The following PITPNC1 variants were observed in gnomAD, a reference collection of about 807,000 sequenced individuals.
PITPNC1 encodes cytoplasmic phosphatidylinositol transfer protein 1.
Under a neutral mutation model 44.7 loss-of-function variants are expected in PITPNC1, and 18 were observed. That is an observed-to-expected ratio of 0.40 (90% CI 0.28 to 0.60). The LOEUF (loss-of-function observed/expected upper bound fraction) is 0.60. PITPNC1 is among the 20% of genes least tolerant of loss of function. The pLI, the probability that PITPNC1 is intolerant of heterozygous loss-of-function variation, is 0.39. For synonymous variants in PITPNC1, 141 were observed against 149.6 expected, an observed-to-expected ratio of 0.94 and a Z score of 0.42; for missense variants, 290 against 418.4, an observed-to-expected ratio of 0.69 and a Z score of 2.68.
At chr17:67,413,167 T>C (rs2038529546) in intron 1 of PITPNC1, among the ~76,000 whole-genome samples, 8 of 152,208 alleles carry the variant, frequency 5.3e-5, no homozygotes, top group Admixed American at 3.3e-4. Flanking sequence ...TCCAACCTGC[T>C]TGCTCATAAG....
chr17:67,687,229 C>A, intron 8 of PITPNC1: 1 of 991,094 alleles, frequency 1.0e-6, no homozygotes, highest in Non-Finnish European at 1.6e-6. Flanking sequence ...TTCACAAATG[C>A]ACATGTAAAC....
At chr17:67,658,491 A>G (rs2042299709) in intron 6 of PITPNC1, among the ~76,000 whole-genome samples, 1 of 152,102 alleles carries the variant, frequency 6.6e-6, no homozygotes, top group Admixed American at 6.6e-5. Flanking sequence ...GGGATAGGTA[A>G]CCACCCCACC....
chr17:67,405,853 C>T (rs575736358), intron 1 of PITPNC1, among the ~76,000 whole-genome samples: 40 of 152,182 alleles, frequency 2.6e-4, no homozygotes, highest in African/African-American at 7.5e-4. Context: ...GTGATCCTCC[C>T]GCCTTGGCCT....
At chr17:67,681,608 CAAAAAAAAA>C (rs5821459) in intron 8 of PITPNC1, among the ~76,000 whole-genome samples, 3 of 36,426 alleles carry the variant, frequency 8.2e-5, no homozygotes, top group African/African-American at 2.1e-4. Flanking sequence ...AACCCTATCT[CAAAAAAAAA>C]AAAAAAAAAA....
At position 67,676,938 on chromosome 17, in the gene PITPNC1, C is replaced by G. The variant is rs2042614295; in HGVS notation, c.682+1396C>G. Among the ~76,000 whole-genome samples the G allele has an allele frequency of 6.6e-6, 1 of 152,008 alleles. No individual in the cohort carries two copies. Among genetic ancestry groups the G allele is most frequent in the Admixed American group, 6.6e-5 (1 of 15,246 alleles). ...GCAGATCATTTATGCTCTCTTATCA[C>G]ACACCCACAGAATGCCGCTCTCATA... is the stretch of plus-strand genomic sequence containing the variant. On this transcript the variant is annotated intron_variant, in intron 8 of 8. Coordinates refer to ENST00000581322, the MANE Select transcript of PITPNC1 (RefSeq NM_012417.4). This position sits in a 1 kb window ranked among gnomAD's most constrained non-coding sequence, Gnocchi z 4.0.
intron 1 of PITPNC1, among the ~76,000 whole-genome samples, chr17:67,527,413 G>C (rs2040403865): frequency 6.6e-6 from 1 of 152,198 alleles, no homozygotes; most frequent in African/African-American, 2.4e-5. Flanking sequence ...AGATTAGAAT[G>C]AACATAGGCG....
At chr17:67,564,615 T>C (rs1324284166) in intron 4 of PITPNC1, among the ~76,000 whole-genome samples, 1 of 152,206 alleles carries the variant, frequency 6.6e-6, no homozygotes, top group Non-Finnish European at 1.5e-5. Flanking sequence ...TTCTAGGTAT[T>C]CCTTAATCTA....
At chr17:67,584,065 A>G (rs1362483828) in intron 5 of PITPNC1, among the ~76,000 whole-genome samples, 2 of 152,004 alleles carry the variant, frequency 1.3e-5, no homozygotes, top group East Asian at 3.9e-4. Context: ...CAGTTCCCCC[A>G]GGTGAATCTA....
intron 1 of PITPNC1, among the ~76,000 whole-genome samples, chr17:67,503,514 T>A (rs1247957806): frequency 6.6e-6 from 1 of 152,090 alleles, no homozygotes; most frequent in Admixed American, 6.6e-5. Flanking sequence ...CCCTTGTATT[T>A]TCTCTGTAGG....
intron 6 of PITPNC1, among the ~76,000 whole-genome samples, chr17:67,653,290 G>A (rs1182719034): frequency 1.3e-5 from 2 of 152,012 alleles, no homozygotes; most frequent in Non-Finnish European, 2.9e-5. Context: ...AAAGGTTGGG[G>A]GGAATTTGGA....
At position 67,425,193 on chromosome 17, in the gene PITPNC1, GCACGCACACGCACACACACA is replaced by G. The variant is rs1331150781; in HGVS notation, c.48+46995_48+47014del. On this transcript the variant is annotated intron_variant, in intron 1 of 8. Coordinates refer to ENST00000581322, the MANE Select transcript of PITPNC1 (RefSeq NM_012417.4). Reference sequence around the variant, plus strand: ...AAATAAACAGCCATGTTGTGCGCGCGCACGCACACGCACACACACACACACACACACACACACACACACAC... The same window carrying G: ...AAATAAACAGCCATGTTGTGCGCGCGCACACACACACACACACACACACAC... 2.9e-4 allele frequency among the ~76,000 whole-genome samples: 15 copies of G among 52,118 alleles called. 1 individual carries two copies. Among genetic ancestry groups the G allele is most frequent in the South Asian group, 9.5e-4 (2 of 2,102 alleles). The allele number at this position is 52,118 out of a possible 152,430, so 34.2% of individuals were successfully genotyped here.
intron 4 of PITPNC1, among the ~76,000 whole-genome samples, chr17:67,573,123 A>G (rs1234171156): frequency 6.6e-6 from 1 of 152,244 alleles, no homozygotes; most frequent in Non-Finnish European, 1.5e-5. Context: ...GTACCAGTAC[A>G]GTCAGGGAGA....
chr17:67,606,807 GGAGAGAGAAAGA>G (rs2041614582), intron 5 of PITPNC1, among the ~76,000 whole-genome samples: 1 of 151,956 alleles, frequency 6.6e-6, no homozygotes, highest in Non-Finnish European at 1.5e-5. Context: ...TAATAAAAAG[GGAGAGAGAAAGA>G]AATAAAAAGA....
At chr17:67,633,616 GA>G (rs1447884189) in intron 6 of PITPNC1, among the ~76,000 whole-genome samples, 5 of 152,226 alleles carry the variant, frequency 3.3e-5, no homozygotes. Context: ...TTAAGATAAA[GA>G]AAGTTAAACG....
At position 67,632,229 on chromosome 17, in the gene PITPNC1, A is replaced by G. The variant is rs1191966071; in HGVS notation, c.453A>G (p.Lys151=). The G allele has an allele frequency of 1.3e-6, 2 of 1,596,502 alleles. No individual in the cohort carries two copies. The highest frequency in any genetic ancestry group is 1.7e-6 in the Non-Finnish European group (2 of 1,163,984). The change falls in exon 6 of 9, where the codon AAA becomes AAG. Residue 151 remains lysine (K), a synonymous_variant. Transcript: ENST00000581322. ...ACDEIPERYY[K]ESEDPKHFKS... Reference sequence around the variant, plus strand: ...ATGAAATTCCAGAGCGCTACTACAAAGAATCTGAGGTAAGCAACAGTTGGG... The same window carrying G: ...ATGAAATTCCAGAGCGCTACTACAAGGAATCTGAGGTAAGCAACAGTTGGG...
chr17:67,566,331 G>A (rs2040981069), intron 4 of PITPNC1, among the ~76,000 whole-genome samples: 1 of 152,110 alleles, frequency 6.6e-6, no homozygotes, highest in South Asian at 2.1e-4. Context: ...AGCTTCCCTA[G>A]TAGCTGGGAT....
At chr17:67,644,286 C>T (rs544680348) in intron 6 of PITPNC1, among the ~76,000 whole-genome samples, 7 of 152,168 alleles carry the variant, frequency 4.6e-5, no homozygotes, top group Non-Finnish European at 8.8e-5. Flanking sequence ...AGCCTTCTTA[C>T]AGCTGTACTA....
At chr17:67,507,754 G>A (rs969004637) in intron 1 of PITPNC1, among the ~76,000 whole-genome samples, 46 of 150,904 alleles carry the variant, frequency 3.0e-4, no homozygotes, top group Admixed American at 6.6e-5. Flanking sequence ...GGGCAGGAGA[G>A]CATTTAGGAG....
At chr17:67,419,369 T>A (rs1170436624) in intron 1 of PITPNC1, among the ~76,000 whole-genome samples, 1 of 152,140 alleles carries the variant, frequency 6.6e-6, no homozygotes, top group African/African-American at 2.4e-5. Context: ...CATTTCCTAC[T>A]AAGACAGATT....
Sources: allele counts gnomAD v4.1 joint callset (sites outside exome capture counted in the v4.1 genomes callset), GRCh38; gene constraint gnomAD v4.1.1; non-coding constraint Gnocchi (gnomAD v3.1); transcripts MANE v1.5; gene names NCBI Gene and HGNC (gene_info 2026-07-23, HGNC 2026-07-21).